CLEC12A: variants seen among roughly 807,000 people sequenced by gnomAD.
CLEC12A encodes the protein C-type lectin domain family 12 member A.
CLEC12A carries 22 observed loss-of-function variants against 26.5 expected under a neutral mutation model. The observed-to-expected ratio is 0.83, with a 90% confidence interval of 0.59 to 1.19. The LOEUF is 1.19. Ranked by LOEUF, CLEC12A falls within the 50% of genes most tolerant of loss-of-function variation. CLEC12A has a pLI of 0.00. For synonymous variants in CLEC12A, 119 were observed against 101.9 expected (o/e 1.17, Z -1.01); for missense variants, 353 against 315.6 (o/e 1.12, Z -0.90).
At chr12:9,954,892 G>A (rs1346685051) in intron 1 of CLEC12A, among the ~76,000 whole-genome samples, 1 of 152,040 alleles carries the variant, frequency 6.6e-6, no homozygotes, top group Non-Finnish European at 1.5e-5. Context: ...TTTTTTGTTT[G>A]GGTTTTACAT....
chr12:9,994,535 G>A (rs1864983573), intron 4 of CLEC12A, among the ~76,000 whole-genome samples: 2 of 152,142 alleles, frequency 1.3e-5, no homozygotes, highest in African/African-American at 4.8e-5. Context: ...TGAGACTGCA[G>A]ATTGGAAAGC....
At chr12:9,997,906 A>T (rs550937126), downstream of CLEC12A, among the ~76,000 whole-genome samples, 2 of 152,184 alleles carry the variant, frequency 1.3e-5, no homozygotes, top group South Asian at 4.1e-4. Context: ...AATGAGAAAA[A>T]TTTCAGACAA....
rs1864132364 is a variant in CLEC12A, at chr12:9,971,681, GA to G, written c.90del (p.Ala31HisfsTer16). On this transcript the variant is annotated frameshift_variant, in exon 1 of 6. Transcript: ENST00000304361. LOFTEE classifies it high-confidence loss of function. ...AATCCCAGAAATTGGCAAATTTGGG[GA>G]AAAAGGTAAGATTTTGAGTTATGGA... ...EKIPEIGKFG[E>X]KAPPAPSHVW... The G allele has an allele frequency of 1.9e-6, 3 of 1,608,322 alleles. No homozygotes were observed. Among genetic ancestry groups the G allele is most frequent in the South Asian group, 2.2e-5 (2 of 90,032 alleles).
downstream of CLEC12A, chr12:9,997,256 G>T (rs776122981): frequency 2.5e-5 from 41 of 1,612,140 alleles, no homozygotes; most frequent in Non-Finnish European, 3.5e-5. Flanking sequence ...TTCTCACCTT[G>T]TAGGTAATTG....
upstream of CLEC12A, among the ~76,000 whole-genome samples, chr12:9,967,906 C>G (rs181809819): frequency 6.6e-6 from 1 of 152,226 alleles, no homozygotes; most frequent in African/African-American, 2.4e-5. Flanking sequence ...GGCAGGCATC[C>G]CTGCCTGATT....
At chr12:9,997,162 A>C (rs761451862), downstream of CLEC12A, 6 of 1,613,952 alleles carry the variant, frequency 3.7e-6, no homozygotes, top group Non-Finnish European at 5.1e-6. Flanking sequence ...ATACTTACTG[A>C]AAGTGCCCTT....
At chr12:9,976,427 G>C (rs969736080) in intron 1 of CLEC12A, among the ~76,000 whole-genome samples, 2 of 152,212 alleles carry the variant, frequency 1.3e-5, no homozygotes, top group South Asian at 4.1e-4. Flanking sequence ...GGAGCTTTAA[G>C]ATTTGGTGCC....
At position 9,979,515 on chromosome 12, in the gene CLEC12A, A is replaced by C. The variant is rs1254676927; in HGVS notation, c.370A>C (p.Lys124Gln). 3 of 1,609,862 alleles carry C rather than the reference A, an allele frequency of 1.9e-6. No individual in the cohort carries two copies. Among genetic ancestry groups the C allele is most frequent in the Non-Finnish European group, 1.7e-6 (2 of 1,178,074 alleles). Reference sequence around the variant, plus strand: ...CAAATTATGTCGTGAGCTATATAGCAAAGAACAAGGTAATCTTGTATTCTC... The same window carrying C: ...CAAATTATGTCGTGAGCTATATAGCCAAGAACAAGGTAATCTTGTATTCTC... ...ATKLCRELYSKEQEHKCKPCP... is the reference protein window; with the variant it reads ...ATKLCRELYSQEQEHKCKPCP... The change falls in exon 3 of 6, where the codon AAA (lysine) becomes CAA (glutamine). Residue 124 changes from lysine to glutamine, a missense_variant. Transcript: ENST00000304361.
intron 1 of CLEC12A, among the ~76,000 whole-genome samples, chr12:9,954,205 TAAAAAAAAAA>T (rs35173002): frequency 4.2e-4 from 27 of 64,448 alleles, no homozygotes; most frequent in East Asian, 2.6e-3. Context: ...GAATTATCAA[TAAAAAAAAAA>T]AAAAAAAAAA....
chr12:9,986,417 C>CG (rs1179598034), downstream of CLEC12A, among the ~76,000 whole-genome samples: 1 of 134,384 alleles, frequency 7.4e-6, no homozygotes, highest in Non-Finnish European at 1.6e-5. Flanking sequence ...TCCTTTATCC[C>CG]CCCCCCCCTT....
intron 4 of CLEC12A, chr12:9,993,304 A>G: frequency 6.2e-7 from 1 of 1,606,144 alleles, no homozygotes; most frequent in Non-Finnish European, 8.5e-7. Context: ...AGGGAAAGTT[A>G]GAATAAATTC....
At chr12:9,973,566 T>C (rs1173258735) in intron 1 of CLEC12A, among the ~76,000 whole-genome samples, 4 of 152,178 alleles carry the variant, frequency 2.6e-5, no homozygotes, top group African/African-American at 9.7e-5. Context: ...TGAATATTGC[T>C]GGTGAAAAAT....
At chr12:9,984,675 G>A (rs1160097532) in intron 5 of CLEC12A, among the ~76,000 whole-genome samples, 195 bp from the exon 6 acceptor site, 1 of 152,126 alleles carries the variant, frequency 6.6e-6, no homozygotes, top group Non-Finnish European at 1.5e-5. Context: ...AAATGAAGCA[G>A]TATTTGACAT....
intron 1 of CLEC12A, among the ~76,000 whole-genome samples, chr12:9,955,967 G>A (rs1482421906): frequency 4.6e-5 from 7 of 152,092 alleles, no homozygotes; most frequent in Admixed American, 3.9e-4. Context: ...AGCAGTTAAG[G>A]CAAGAGGGAA....
upstream of CLEC12A, among the ~76,000 whole-genome samples, chr12:9,970,998 A>G (rs751238623): frequency 9.9e-5 from 15 of 152,172 alleles, no homozygotes; most frequent in Non-Finnish European, 1.8e-4. Flanking sequence ...GCTATGTAAC[A>G]TGGCAACGGA....
chr12:9,982,665 G>A lies in CLEC12A; in HGVS notation c.641+536G>A, dbSNP rs1229356350. On this transcript the variant is annotated intron_variant, in intron 5 of 5. Transcript: ENST00000304361. Reference sequence around the variant, plus strand: ...TTTTAAAAAGTTTATGGATTTAGGGGGTACGATTGCAATTTTGTTATATAA... The same window carrying A: ...TTTTAAAAAGTTTATGGATTTAGGGAGTACGATTGCAATTTTGTTATATAA... Among the ~76,000 whole-genome samples the A allele has an allele frequency of 3.3e-5, 5 of 152,000 alleles. No homozygotes were observed. In the South Asian group the frequency reaches 8.3e-4, roughly 25 times the overall value.
downstream of CLEC12A, chr12:9,998,365 G>A (rs1406728055): frequency 3.1e-6 from 5 of 1,613,828 alleles, no homozygotes; most frequent in Non-Finnish European, 3.4e-6. Flanking sequence ...CCACCAGGAG[G>A]AGGATGCAGA....
intron 4 of CLEC12A, among the ~76,000 whole-genome samples, chr12:9,993,771 C>T (rs1048486415): frequency 2.6e-5 from 4 of 152,104 alleles, no homozygotes; most frequent in Non-Finnish European, 4.4e-5. Context: ...TCATCTAACA[C>T]AGCAGGCTGT....
intron 1 of CLEC12A, among the ~76,000 whole-genome samples, chr12:9,955,730 T>C (rs916103749): frequency 6.6e-6 from 1 of 152,178 alleles, no homozygotes; most frequent in African/African-American, 2.4e-5. Context: ...ATTATTTTGA[T>C]AAAATGTAAA....
Sources: allele counts gnomAD v4.1 joint callset (sites outside exome capture counted in the v4.1 genomes callset), GRCh38; gene constraint gnomAD v4.1.1; transcripts MANE v1.5; gene names NCBI Gene and HGNC (gene_info 2026-07-23, HGNC 2026-07-21).